PIBF1: variants seen among roughly 807,000 people sequenced by gnomAD.
The protein encoded by PIBF1 is progesterone-induced-blocking factor 1.
PIBF1 carries 90 observed loss-of-function variants against 112.5 expected under a neutral mutation model. The ratio of observed to expected loss-of-function variants is 0.80; its 90% CI spans 0.67 to 0.95. The LOEUF is 0.95. PIBF1 is among the 40% of genes least tolerant of loss of function. The probability of loss-of-function intolerance (pLI) is 0.00; values close to 1 mark genes in which losing one functional copy is unlikely to be tolerated. For missense variants in PIBF1, 915 were observed against 852.3 expected (o/e 1.07, Z -0.92); for synonymous variants, 301 against 288.6 (o/e 1.04, Z -0.44).
intron 12 of PIBF1, among the ~76,000 whole-genome samples, chr13:72,912,604 G>A (rs1242018491): frequency 1.3e-5 from 2 of 152,086 alleles, no homozygotes; most frequent in South Asian, 2.1e-4. Flanking sequence ...CAGCATTTCC[G>A]TTACTTACCC....
rs1412806666 is a variant in PIBF1, at chr13:73,016,323, C to T, written c.*404C>T. 1.3e-5 allele frequency: 2 copies of T among 152,242 alleles called. No homozygotes were observed. Among genetic ancestry groups the T allele is most frequent in the African/African-American group, 4.8e-5 (2 of 41,400 alleles). 9.4% of individuals were successfully genotyped at this position (152,242 alleles called of 1,614,324 possible). On this transcript the variant is annotated 3_prime_UTR_variant, in exon 18 of 18. Transcript: ENST00000326291. The stretch of plus-strand genomic sequence containing the variant: ...AGTCCACTACGAGGTACTTCAAAAG[C>T]CCAGTAATGGTGGTCAGATACCATG...
chr13:72,792,378 T>G, intron 2 of PIBF1, 69 bp from the exon 3 acceptor site: 1 of 942,430 alleles, frequency 1.1e-6, no homozygotes, highest in Non-Finnish European at 1.6e-6. Context: ...TTTTAAAATA[T>G]GTTTATTATG....
chr13:72,787,104 T>A (rs2034639725), intron 2 of PIBF1, among the ~76,000 whole-genome samples: 1 of 152,194 alleles, frequency 6.6e-6, no homozygotes, highest in Non-Finnish European at 1.5e-5. Context: ...TGTGTGTATG[T>A]GTGTATATAT....
At chr13:72,948,050 G>A (rs913861123) in intron 14 of PIBF1, among the ~76,000 whole-genome samples, 1 of 151,924 alleles carries the variant, frequency 6.6e-6, no homozygotes, top group Non-Finnish European at 1.5e-5. Flanking sequence ...GACACAGGGA[G>A]GGGAACATCA....
chr13:72,856,366 A>G (rs2038422581), intron 10 of PIBF1, among the ~76,000 whole-genome samples: 2 of 152,176 alleles, frequency 1.3e-5, no homozygotes, highest in African/African-American at 4.8e-5. Context: ...AAACTGCCAG[A>G]TAGGAGGAGG....
intron 4 of PIBF1, among the ~76,000 whole-genome samples, chr13:72,797,188 CAG>C (rs1395516344): frequency 7.9e-5 from 12 of 152,194 alleles, no homozygotes; most frequent in African/African-American, 2.6e-4. Flanking sequence ...GTAGGGACAG[CAG>C]TAAATAAAGC....
intron 6 of PIBF1, among the ~76,000 whole-genome samples, chr13:72,822,477 G>T (rs1290604453): frequency 6.6e-6 from 1 of 152,036 alleles, no homozygotes; most frequent in East Asian, 1.9e-4. Context: ...CTGCTACTTA[G>T]CTGTATGTCC....
chr13:72,827,827 A>C lies in PIBF1; in HGVS notation c.1010A>C (p.Glu337Ala). Residue 337 changes from glutamate (E) to alanine (A), a missense_variant, in exon 8 of 18, where the codon GAA becomes GCA. Glu to Ala is a moderately radical substitution (Grantham distance 107, BLOSUM62 -1). Coordinates refer to ENST00000326291, the MANE Select transcript of PIBF1 (RefSeq NM_006346.4). ...GAGCTTAGTGTTCGCTGTGCTCATG[A>C]AGAGGATCGCCTTGAAAGACTTCAA... ...NMELSVRCAH[E>A]EDRLERLQAQ... The C allele has an allele frequency of 6.2e-7, 1 of 1,603,576 alleles. No individual in the cohort carries two copies. The highest frequency in any genetic ancestry group is 8.5e-7 in the Non-Finnish European group (1 of 1,175,058).
chr13:72,812,989 A>G (rs1233557597), intron 5 of PIBF1, among the ~76,000 whole-genome samples: 1 of 152,108 alleles, frequency 6.6e-6, no homozygotes, highest in African/African-American at 2.4e-5. Flanking sequence ...AGAAATAGCC[A>G]TCAACTTAAT....
chr13:72,981,008 G>A (rs1195151842), intron 16 of PIBF1, among the ~76,000 whole-genome samples: 1 of 151,906 alleles, frequency 6.6e-6, no homozygotes, highest in East Asian at 1.9e-4. Context: ...ACTTTGGGAG[G>A]CGGAAGTGGG....
At chr13:72,931,717 C>CATATATATATATATAT (rs1414425546) in intron 14 of PIBF1, among the ~76,000 whole-genome samples, 2 of 24,408 alleles carry the variant, frequency 8.2e-5, no homozygotes, top group African/African-American at 1.2e-4. Flanking sequence ...ATTTAAACTA[C>CATATATATATATATAT]GTATATATAT....
intron 16 of PIBF1, among the ~76,000 whole-genome samples, chr13:72,976,583 T>G (rs193160190): frequency 2.4e-4 from 37 of 152,352 alleles, no homozygotes; most frequent in Admixed American, 1.3e-3. Context: ...TTTTTTTGTT[T>G]TAAAGCAAAG....
At chr13:72,983,485 A>T (rs1250364139) in intron 16 of PIBF1, among the ~76,000 whole-genome samples, 1 of 152,170 alleles carries the variant, frequency 6.6e-6, no homozygotes, top group Non-Finnish European at 1.5e-5. Flanking sequence ...CATTGGACTA[A>T]TTCTTATTAT....
chr13:72,953,363 C>T (rs1452811025), intron 14 of PIBF1, among the ~76,000 whole-genome samples: 3 of 152,124 alleles, frequency 2.0e-5, no homozygotes, highest in East Asian at 1.9e-4. Context: ...CCGTAATGTG[C>T]GGCACTCCCC....
At chr13:72,783,395 A>G (rs1184281250) in intron 1 of PIBF1, 28 bp from the exon 2 acceptor site, 1 of 987,238 alleles carries the variant, frequency 1.0e-6, no homozygotes, top group South Asian at 1.6e-5. Flanking sequence ...TTTATAGTAC[A>G]TTTGAATTAA....
intron 16 of PIBF1, among the ~76,000 whole-genome samples, chr13:72,985,645 C>T (rs1306935172): frequency 1.3e-5 from 2 of 152,122 alleles, no homozygotes; most frequent in Admixed American, 6.6e-5. Flanking sequence ...ACCATATTGG[C>T]AATATCTTGT....
chr13:72,829,412 G>C (rs1398702398), intron 8 of PIBF1, among the ~76,000 whole-genome samples: 1 of 152,108 alleles, frequency 6.6e-6, no homozygotes, highest in Non-Finnish European at 1.5e-5. Context: ...ATGATCCTAG[G>C]TCTTACATTT....
At chr13:72,922,329 A>G (rs938679346) in intron 13 of PIBF1, among the ~76,000 whole-genome samples, 2 of 152,208 alleles carry the variant, frequency 1.3e-5, no homozygotes, top group African/African-American at 4.8e-5. Flanking sequence ...ACAAGGGCTT[A>G]TACAATTAAA....
chr13:72,893,635 TA>T, intron 10 of PIBF1, 148 bp from the exon 11 acceptor site: 1 of 428,636 alleles, frequency 2.3e-6, no homozygotes, highest in Non-Finnish European at 4.1e-6. Flanking sequence ...TATACCTACC[TA>T]AATTATTTAT....
Sources: gnomAD v4.1 joint callset for allele counts (sites outside exome capture counted in the v4.1 genomes callset) on GRCh38, gnomAD v4.1.1 for gene constraint, MANE v1.5 for transcripts, NCBI Gene and HGNC (gene_info 2026-07-23, HGNC 2026-07-21) for gene names.